The following SLC75A1 variants were observed in gnomAD, a reference collection of about 807,000 sequenced individuals.
SLC75A1 encodes solute carrier family 75 member 1.
the SLC75A1 span, chr4:2,933,207 G>C: frequency 6.2e-7 from 1 of 1,613,356 alleles, no homozygotes; most frequent in Non-Finnish European, 8.5e-7. Flanking sequence ...GAGCCAATGA[G>C]ACCTGAGAGA....
chr4:2,931,238 A>G, the SLC75A1 span: 2 of 1,564,136 alleles, frequency 1.3e-6, no homozygotes, highest in Non-Finnish European at 8.7e-7. Context: ...ATAGCCAGCG[A>G]CCACGGAGGA....
chr4:2,932,531 G>A, the SLC75A1 span: 38 of 1,613,124 alleles, frequency 2.4e-5, no homozygotes, highest in Admixed American at 1.3e-4. Context: ...AAGACCACCC[G>A]AGCTGCACAG....
chr4:2,932,058 T>TG, the SLC75A1 span: 939 of 1,608,986 alleles, frequency 5.8e-4, 2 homozygotes, highest in Non-Finnish European at 5.5e-4. Context: ...CTCCAGAGGG[T>TG]GGGTCCTGGC....
the SLC75A1 span, chr4:2,932,259 G>A: frequency 6.5e-7 from 1 of 1,549,238 alleles, no homozygotes; most frequent in South Asian, 1.2e-5. Context: ...CAGCCTCCCT[G>A]GCATCTGGGG....
the SLC75A1 span, chr4:2,932,236 CAA>C: frequency 1.3e-6 from 2 of 1,548,200 alleles, no homozygotes; most frequent in South Asian, 1.2e-5. Flanking sequence ...GTCCCAACAC[CAA>C]GAGAGCGGCC....
the SLC75A1 span, chr4:2,933,691 C>T: frequency 6.2e-7 from 1 of 1,612,056 alleles, no homozygotes; most frequent in South Asian, 1.1e-5. Flanking sequence ...ACGATAAGGG[C>T]TGGGGAGGTC....
At chr4:2,934,176 A>C in the SLC75A1 span, 6 of 564,596 alleles carry the variant, frequency 1.1e-5, no homozygotes, top group Non-Finnish European at 1.9e-5. Context: ...AACGGTCCTG[A>C]GAGACCAGGG....
At chr4:2,930,713 T>C in the SLC75A1 span, 14 of 1,075,540 alleles carry the variant, frequency 1.3e-5, 1 homozygote, top group South Asian at 1.6e-4. Context: ...GCTTCCTGCT[T>C]AGGGGCCGGC....
the SLC75A1 span, chr4:2,931,710 A>AGGGCAG: frequency 5.7e-6 from 9 of 1,577,460 alleles, no homozygotes; most frequent in Admixed American, 1.2e-4. Context: ...AGGGCCACCC[A>AGGGCAG]GGGCAGGGCC....
At chr4:2,932,663 G>A in the SLC75A1 span, 12 of 1,611,718 alleles carry the variant, frequency 7.4e-6, no homozygotes, top group East Asian at 4.5e-5. Flanking sequence ...AGAGGCTGAC[G>A]TTCCCTTTGC....
chr4:2,932,365 G>A, the SLC75A1 span: 8 of 1,613,144 alleles, frequency 5.0e-6, no homozygotes, highest in Admixed American at 1.0e-4. Flanking sequence ...TTCTCCAGGG[G>A]CAGCGTCTCT....
chr4:2,930,954 C>A, the SLC75A1 span: 1 of 1,613,060 alleles, frequency 6.2e-7, no homozygotes, highest in Non-Finnish European at 8.5e-7. Context: ...AGCCAGTACA[C>A]TGCGGAGAGA....
the SLC75A1 span, chr4:2,931,327 C>G: frequency 1.9e-6 from 3 of 1,544,138 alleles, no homozygotes; most frequent in African/African-American, 4.1e-5. Context: ...GGTGCATCAC[C>G]CAGCCCCTGC....
At chr4:2,933,042 C>G in the SLC75A1 span, 1 of 1,511,102 alleles carries the variant, frequency 6.6e-7, no homozygotes, top group South Asian at 1.1e-5. Flanking sequence ...CCCACCTAAC[C>G]CCATGGGGCT....
chr4:2,931,364 G>A, the SLC75A1 span: 1 of 1,547,854 alleles, frequency 6.5e-7, no homozygotes, highest in Non-Finnish European at 8.7e-7. Flanking sequence ...TGCCAGGGCA[G>A]GGCCACTCAC....
the SLC75A1 span, chr4:2,931,043 A>G: frequency 6.2e-7 from 1 of 1,609,258 alleles, no homozygotes; most frequent in Non-Finnish European, 8.5e-7. Flanking sequence ...CTGCCCCAGC[A>G]CCATCCCGCG....
chr4:2,933,684 A>G, the SLC75A1 span: 7 of 1,612,828 alleles, frequency 4.3e-6, no homozygotes, highest in East Asian at 4.5e-5. Flanking sequence ...AGGAATCACG[A>G]TAAGGGCTGG....
At chr4:2,932,064 C>T in the SLC75A1 span, 2 of 1,611,042 alleles carry the variant, frequency 1.2e-6, no homozygotes, top group Admixed American at 1.7e-5. Flanking sequence ...AGGGTGGGTC[C>T]TGGCCACGAG....
chr4:2,931,952 G>A, the SLC75A1 span: 412 of 1,603,178 alleles, frequency 2.6e-4, no homozygotes, highest in Non-Finnish European at 3.3e-4. Flanking sequence ...GAGAGGTGGC[G>A]CGTGCTGAGA....
Sources: gnomAD v4.1 joint callset for allele counts on GRCh38, gnomAD v4.1.1 for gene constraint, MANE v1.5 for transcripts, NCBI Gene and HGNC (gene_info 2026-07-23, HGNC 2026-07-21) for gene names.